Variants in TMEM140 observed in about 807,000 individuals in gnomAD.
TMEM140 encodes transmembrane protein 140.
For missense variants in TMEM140, 236 were observed against 228.5 expected (o/e 1.03, Z -0.21); for synonymous variants, 107 against 106.8 (o/e 1.00, Z -0.01).
At chr7:135,157,257 T>C (rs544056707) in intron 1 of TMEM140, among the ~76,000 whole-genome samples, 9 of 152,262 alleles carry the variant, frequency 5.9e-5, no homozygotes, top group Non-Finnish European at 1.2e-4. Context: ...TGAGGATATA[T>C]GCATGTTGTT....
intron 1 of TMEM140, among the ~76,000 whole-genome samples, chr7:135,163,648 A>G (rs1830006077): frequency 6.6e-6 from 1 of 152,184 alleles, no homozygotes; most frequent in Non-Finnish European, 1.5e-5. Flanking sequence ...CCATCTCAAA[A>G]ACAAACAAAC....
intron 1 of TMEM140, among the ~76,000 whole-genome samples, chr7:135,163,767 A>G (rs1260129550): frequency 1.3e-5 from 2 of 152,246 alleles, no homozygotes; most frequent in African/African-American, 4.8e-5. Flanking sequence ...ACCAGGTGAC[A>G]TCTTGTCTTG....
At chr7:135,153,231 AG>A (rs1829705277) in intron 1 of TMEM140, 2 of 152,252 alleles carry the variant, frequency 1.3e-5, no homozygotes, top group African/African-American at 4.8e-5. Flanking sequence ...CAAGGTGGGC[AG>A]ATCACGAGAT....
intron 1 of TMEM140, chr7:135,153,134 T>C (rs7792881): frequency 0.96 from 145,515 of 152,266 alleles, 69,844 homozygotes; most frequent in East Asian, 1. Context: ...AATGAGATAC[T>C]ATCTTACACC....
intron 1 of TMEM140, chr7:135,152,908 C>T (rs1829698497): frequency 6.6e-6 from 1 of 152,086 alleles, no homozygotes; most frequent in Non-Finnish European, 1.5e-5. Context: ...TGGTGGTGCC[C>T]GATGGGGAAG....
chr7:135,151,343 C>T lies in TMEM140; in HGVS notation c.-25+3073C>T, dbSNP rs1028979204. Among the ~76,000 whole-genome samples the T allele has an allele frequency of 2.0e-5, 3 of 152,128 alleles. No individual in the cohort carries two copies. The highest frequency in any genetic ancestry group is 7.2e-5 in the African/African-American group (3 of 41,420). ...AAGGAAATATGACACATTTCCCTTTCTTCTTCCCTTTTTATTTTTGTGACA... is the reference window on the plus strand; with the variant it reads ...AAGGAAATATGACACATTTCCCTTTTTTCTTCCCTTTTTATTTTTGTGACA... On this transcript the variant is annotated intron_variant, in intron 1 of 1. Coordinates refer to ENST00000275767, the MANE Select transcript of TMEM140 (RefSeq NM_018295.5). This position sits in a 1 kb window ranked among gnomAD's most constrained non-coding sequence, Gnocchi z 4.3.
chr7:135,160,237 T>C (rs1028952598), intron 1 of TMEM140, among the ~76,000 whole-genome samples: 2 of 152,232 alleles, frequency 1.3e-5, no homozygotes, highest in Non-Finnish European at 2.9e-5. Context: ...TTCATGTATT[T>C]TCTAGTTTCC....
At position 135,155,376 on chromosome 7, in the gene TMEM140, G is replaced by A. The variant is rs569851074; in HGVS notation, c.-25+7106G>A. Among the ~76,000 whole-genome samples, 4 of 152,172 alleles carry A rather than the reference G, an allele frequency of 2.6e-5. No homozygotes were observed. In the South Asian group the frequency reaches 8.3e-4, roughly 32 times the overall value. On this transcript the variant is annotated intron_variant, in intron 1 of 1. Transcript: ENST00000275767. ...CTTTGTTTCTGTTATATTGTTTATTGTTTTCAGGTTGTTTTATAGACTCTT... is the reference window on the plus strand; with the variant it reads ...CTTTGTTTCTGTTATATTGTTTATTATTTTCAGGTTGTTTTATAGACTCTT...
chr7:135,163,141 A>G (rs1478803768), intron 1 of TMEM140, among the ~76,000 whole-genome samples: 1 of 152,244 alleles, frequency 6.6e-6, no homozygotes, highest in Non-Finnish European at 1.5e-5. Flanking sequence ...ATGATCCCAC[A>G]TGAACTATTG....
intron 1 of TMEM140, among the ~76,000 whole-genome samples, chr7:135,158,810 C>T (rs970065506): frequency 6.6e-6 from 1 of 152,192 alleles, no homozygotes; most frequent in African/African-American, 2.4e-5. Flanking sequence ...TCTCCCGTCT[C>T]CCTCCTTGAA....
chr7:135,155,771 A>G (rs989991082), intron 1 of TMEM140, among the ~76,000 whole-genome samples: 1 of 152,248 alleles, frequency 6.6e-6, no homozygotes, highest in African/African-American at 2.4e-5. Flanking sequence ...AGATTGCTTG[A>G]GCCCACGAGG....
At chr7:135,159,954 C>A (rs1829886360) in intron 1 of TMEM140, among the ~76,000 whole-genome samples, 1 of 152,096 alleles carries the variant, frequency 6.6e-6, no homozygotes, top group Admixed American at 6.5e-5. Context: ...AGTTGATTCA[C>A]AAAAATATTC....
intron 1 of TMEM140, among the ~76,000 whole-genome samples, chr7:135,155,115 A>T (rs528489408): frequency 6.6e-6 from 1 of 152,262 alleles, no homozygotes; most frequent in African/African-American, 2.4e-5. Flanking sequence ...ACTATTTTTA[A>T]TTTAAAGTCA....
At chr7:135,157,404 G>GT (rs1829822405) in intron 1 of TMEM140, among the ~76,000 whole-genome samples, 1 of 152,240 alleles carries the variant, frequency 6.6e-6, no homozygotes, top group Non-Finnish European at 1.5e-5. Flanking sequence ...GTCCCCAGAA[G>GT]TTTAGCTGGG....
At chr7:135,152,360 G>T (rs1025002241) in intron 1 of TMEM140, among the ~76,000 whole-genome samples, 1 of 152,206 alleles carries the variant, frequency 6.6e-6, no homozygotes, top group Admixed American at 6.5e-5. Flanking sequence ...GTTAATGCAC[G>T]TAAAGGGCCA....
In TMEM140 at chr7:135,151,330, C is replaced by A. The variant is rs974459212; in HGVS notation, c.-25+3060C>A. On this transcript the variant is annotated intron_variant, in intron 1 of 1. Transcript: ENST00000275767. The surrounding 1 kb of genome is among the most constrained non-coding windows in gnomAD (Gnocchi z 4.3). ...CATGTTTCTACCAAAGGAAATATGA[C>A]ACATTTCCCTTTCTTCTTCCCTTTT... Among the ~76,000 whole-genome samples the A allele has an allele frequency of 2.0e-5, 3 of 152,156 alleles. No individual in the cohort carries two copies. Among genetic ancestry groups the A allele is most frequent in the African/African-American group, 7.2e-5 (3 of 41,422 alleles).
At position 135,164,773 on chromosome 7, in the gene TMEM140, G is replaced by C. The variant is rs750434845; in HGVS notation, c.332G>C (p.Arg111Thr). ...LLLAQCNSDE[R>T]AWRLAVGFLA... ...CTAGCCCAGTGCAACAGTGATGAGA[G>C]AGCGTGGCGGCTGGCAGTGGGCTTC... The change falls in exon 2 of 2, where the codon AGA (arginine) becomes ACA (threonine). Residue 111 changes from arginine to threonine, a missense_variant. Coordinates refer to ENST00000275767, the MANE Select transcript of TMEM140 (RefSeq NM_018295.5). 8 of 1,614,114 alleles carry C rather than the reference G, an allele frequency of 5.0e-6. No homozygotes were observed. The highest frequency in any genetic ancestry group is 1.7e-6 in the Non-Finnish European group (2 of 1,180,032).
chr7:135,148,887 A>AT (rs989611630), intron 1 of TMEM140, among the ~76,000 whole-genome samples: 11 of 152,014 alleles, frequency 7.2e-5, no homozygotes, highest in Admixed American at 2.0e-4. Context: ...ATTTTAAGAG[A>AT]TTTTTTTTAA....
intron 1 of TMEM140, 37 bp downstream of exon 1, chr7:135,148,307 G>A: frequency 2.9e-6 from 1 of 348,148 alleles, no homozygotes; most frequent in South Asian, 2.3e-5. Flanking sequence ...AGCTTACCCA[G>A]ACGTCTACTA....
Sources: allele counts gnomAD v4.1 joint callset (sites outside exome capture counted in the v4.1 genomes callset), GRCh38; gene constraint gnomAD v4.1.1; non-coding constraint Gnocchi (gnomAD v3.1); transcripts MANE v1.5; gene names NCBI Gene and HGNC (gene_info 2026-07-23, HGNC 2026-07-21).